The following WDR17 variants were observed in gnomAD, a reference collection of about 807,000 sequenced individuals.
WDR17 encodes WD repeat-containing protein 17.
Under a neutral mutation model 161.7 loss-of-function variants are expected in WDR17, and 143 were observed. The observed-to-expected ratio is 0.88, with a 90% CI of 0.77 to 1.02. The LOEUF (loss-of-function observed/expected upper bound fraction) is 1.02, where lower values mean the gene tolerates loss of function less well. Among genes scored for constraint, WDR17 ranks in the 50% least tolerant of loss-of-function variants. WDR17 has a pLI of 0.00. For synonymous variants in WDR17, 517 were observed against 515.6 expected, an observed-to-expected ratio of 1.00 and a Z score of -0.04; for missense variants, 1,469 against 1,520.9, an observed-to-expected ratio of 0.97 and a Z score of 0.57.
At chr4:176,171,110 T>G (rs912256858) in intron 23 of WDR17, among the ~76,000 whole-genome samples, 1 of 152,172 alleles carries the variant, frequency 6.6e-6, no homozygotes, top group Non-Finnish European at 1.5e-5. Context: ...ACAGTACAGT[T>G]TCTACTGAAT....
At chr4:176,166,152 C>A in intron 22 of WDR17, 1 of 972,514 alleles carries the variant, frequency 1.0e-6, no homozygotes, top group South Asian at 1.8e-5. Flanking sequence ...CAGGTATTAT[C>A]TACTTTTATT....
At chr4:176,138,689 G>T (rs189367509) in intron 9 of WDR17, among the ~76,000 whole-genome samples, 2 of 151,742 alleles carry the variant, frequency 1.3e-5, no homozygotes, top group Non-Finnish European at 3.0e-5. Context: ...TAGATCAGTT[G>T]ATTTCTTCTT....
In WDR17 at chr4:176,086,404, T is replaced by G. The variant is rs191456702; in HGVS notation, c.-7+20325T>G. Reference sequence around the variant, plus strand: ...AAAATCTACCATTATGAGTGTAGATTTACATAGTTTTCCTTTAATTGTGTC... The same window carrying G: ...AAAATCTACCATTATGAGTGTAGATGTACATAGTTTTCCTTTAATTGTGTC... On this transcript the variant is annotated intron_variant, in intron 1 of 28. Transcript: ENST00000508596. Among the ~76,000 whole-genome samples the G allele has an allele frequency of 3.9e-3, 590 of 151,764 alleles. 5 individuals are homozygous for G. The highest frequency in any genetic ancestry group is 0.013 in the African/African-American group (540 of 41,442).
At chr4:176,094,499 C>T (rs1445453469) in intron 1 of WDR17, among the ~76,000 whole-genome samples, 1 of 152,182 alleles carries the variant, frequency 6.6e-6, no homozygotes, top group Admixed American at 6.5e-5. Flanking sequence ...CAAGAGCTCA[C>T]TACTCACAGG....
At position 176,148,092 on chromosome 4, in the gene WDR17, A is replaced by G. The variant is rs376586215; in HGVS notation, c.1695-41A>G. On this transcript the variant is annotated intron_variant, in intron 12 of 28. Coordinates refer to ENST00000508596, the MANE Select transcript of WDR17 (RefSeq NM_181265.4). The stretch of plus-strand genomic sequence containing the variant: ...AATATGTTAATACTCTAGATACATT[A>G]TAACTTGAATGTTATCACACCCATA... The G allele has an allele frequency of 6.7e-4, 1,045 of 1,560,934 alleles. 16 individuals carry two copies. In the South Asian group the frequency reaches 8.4e-3, roughly 13 times the overall value.
intron 1 of WDR17, chr4:176,111,124 T>G (rs2126692757): frequency 6.6e-6 from 1 of 152,462 alleles, no homozygotes; most frequent in East Asian, 1.9e-4. Flanking sequence ...TGTTTTAAAT[T>G]TAAACGTGAT....
At position 176,180,012 on chromosome 4, in the gene WDR17, G is replaced by A. The variant is rs2126909521; in HGVS notation, c.*433G>A. The A allele has an allele frequency of 6.6e-6, 1 of 152,144 alleles. No individual in the cohort carries two copies. Among genetic ancestry groups the A allele is most frequent in the African/African-American group, 2.4e-5 (1 of 41,512 alleles). The allele number at this position is 152,144 out of a possible 1,614,324, so 9.4% of individuals were successfully genotyped here. ...AATATCTTGAAATGTTGAAATGTAA[G>A]GTGTGCACAGTGATCTTCAACTTAA... is the stretch of plus-strand genomic sequence containing the variant. On this transcript the variant is annotated 3_prime_UTR_variant, in exon 29 of 29. Coordinates refer to ENST00000508596, the MANE Select transcript of WDR17 (RefSeq NM_181265.4).
At position 176,181,465 on chromosome 4, in the gene WDR17, C is replaced by T. The variant is rs1254315131; in HGVS notation, c.*1886C>T. The stretch of plus-strand genomic sequence containing the variant: ...CTGGGCGACAGAGCAAGACCACCAT[C>T]TCCAAAAATTATATATATAAAAATA... On this transcript the variant is annotated 3_prime_UTR_variant, in exon 29 of 29. Coordinates refer to ENST00000508596, the MANE Select transcript of WDR17 (RefSeq NM_181265.4). 2 of 218,282 alleles carry T rather than the reference C, an allele frequency of 9.2e-6. No homozygotes were observed. The highest frequency in any genetic ancestry group is 1.8e-5 in the Non-Finnish European group (2 of 111,382). 13.5% of individuals were successfully genotyped at this position (218,282 alleles called of 1,614,324 possible). A position where few individuals can be genotyped will look rare whatever the true frequency, so the allele number is the denominator to read the frequency against.
In WDR17 at chr4:176,125,163, G is replaced by C. The variant is rs752246185; in HGVS notation, c.598G>C (p.Asp200His). ...PESLEGTDEE[D>H]PVTALEWDPL... Reference sequence around the variant, plus strand: ...ATCTCTTGAAGGGACAGATGAAGAGGATCCAGTTACGGCCTTGGAATGGGA... The same window carrying C: ...ATCTCTTGAAGGGACAGATGAAGAGCATCCAGTTACGGCCTTGGAATGGGA... Residue 200 changes from aspartate (D) to histidine (H), a missense_variant, in exon 5 of 29, where the codon GAT becomes CAT. Physicochemically the swap from Asp to His is moderately conservative, Grantham distance 81. Coordinates refer to ENST00000508596, the MANE Select transcript of WDR17 (RefSeq NM_181265.4). The C allele has an allele frequency of 5.0e-6, 8 of 1,614,010 alleles. No individual in the cohort carries two copies. The highest frequency in any genetic ancestry group is 6.8e-6 in the Non-Finnish European group (8 of 1,180,008).
At chr4:176,174,970 T>C (rs1032441646) in intron 26 of WDR17, among the ~76,000 whole-genome samples, 3 of 152,210 alleles carry the variant, frequency 2.0e-5, no homozygotes, top group African/African-American at 7.2e-5. Flanking sequence ...AGACAGGCTT[T>C]CTAAGGCTTT....
chr4:176,134,471 A>G (rs1744075200), intron 7 of WDR17, among the ~76,000 whole-genome samples: 1 of 151,716 alleles, frequency 6.6e-6, no homozygotes, highest in African/African-American at 2.4e-5. Flanking sequence ...ATGTATCTGC[A>G]TATACCACTT....
chr4:176,085,083 C>T (rs960930224), intron 1 of WDR17, among the ~76,000 whole-genome samples: 2 of 151,744 alleles, frequency 1.3e-5, no homozygotes, highest in Non-Finnish European at 2.9e-5. Context: ...TATTCCTGGG[C>T]ATTTACATTT....
rs1752005898 is a variant in WDR17, at chr4:176,180,096, A to G, written c.*517A>G. On this transcript the variant is annotated 3_prime_UTR_variant, in exon 29 of 29. Transcript: ENST00000508596. The stretch of plus-strand genomic sequence containing the variant: ...GTAAACCACTAACGTTAGCTGTTTT[A>G]ATAAAAGTTTTCAGTTATAAGTTTA... The G allele has an allele frequency of 6.6e-6, 1 of 152,192 alleles. No individual in the cohort carries two copies. The highest frequency in any genetic ancestry group is 2.4e-5 in the African/African-American group (1 of 41,448). 9.4% of individuals were successfully genotyped at this position (152,192 alleles called of 1,614,324 possible). A position where few individuals can be genotyped will look rare whatever the true frequency, so the allele number is the denominator to read the frequency against.
At chr4:176,119,615 T>C (rs1331243648) in intron 3 of WDR17, among the ~76,000 whole-genome samples, 1 of 152,196 alleles carries the variant, frequency 6.6e-6, no homozygotes, top group Non-Finnish European at 1.5e-5. Context: ...TAAATGTATT[T>C]GACTATATGA....
intron 2 of WDR17, among the ~76,000 whole-genome samples, chr4:176,114,977 T>C (rs1041995932): frequency 6.6e-6 from 1 of 151,942 alleles, no homozygotes; most frequent in Non-Finnish European, 1.5e-5. Context: ...CAAATTACTT[T>C]GGCAAGATAG....
intron 1 of WDR17, among the ~76,000 whole-genome samples, chr4:176,086,598 G>A (rs1735452723): frequency 6.6e-6 from 1 of 151,466 alleles, no homozygotes; most frequent in Non-Finnish European, 1.5e-5. Context: ...TTTTATCTTT[G>A]ATTTACATAA....
At chr4:176,078,908 A>G (rs1734397212) in intron 1 of WDR17, among the ~76,000 whole-genome samples, 1 of 152,086 alleles carries the variant, frequency 6.6e-6, no homozygotes, top group Non-Finnish European at 1.5e-5. Flanking sequence ...TGGCTATTTG[A>G]AAATATATAA....
intron 4 of WDR17, among the ~76,000 whole-genome samples, chr4:176,120,635 G>T (rs966966336): frequency 6.6e-6 from 1 of 151,832 alleles, no homozygotes; most frequent in African/African-American, 2.4e-5. Flanking sequence ...AGAAATTAAT[G>T]TTCACTTACA....
At chr4:176,103,282 G>C in intron 1 of WDR17, among the ~76,000 whole-genome samples, 1 of 151,920 alleles carries the variant, frequency 6.6e-6, no homozygotes, top group East Asian at 1.9e-4. Flanking sequence ...CCTTGACACA[G>C]ACAGCCCACA....
Sources: allele counts gnomAD v4.1 joint callset (sites outside exome capture counted in the v4.1 genomes callset), GRCh38; gene constraint gnomAD v4.1.1; transcripts MANE v1.5; gene names NCBI Gene and HGNC (gene_info 2026-07-23, HGNC 2026-07-21).